The following DENND1B variants were observed in gnomAD, a reference collection of about 807,000 sequenced individuals.
The protein encoded by DENND1B is DENN domain containing 1B.
A neutral mutation model predicts 90.1 loss-of-function variants in DENND1B; 59 were observed. The observed-to-expected ratio is 0.65, with a 90% CI of 0.53 to 0.81. The LOEUF (loss-of-function observed/expected upper bound fraction) is 0.81, where lower values mean the gene tolerates loss of function less well. Among genes scored for constraint, DENND1B ranks in the 40% least tolerant of loss-of-function variants. The pLI, the probability that DENND1B is intolerant of heterozygous loss-of-function variation, is 0.00. For missense variants in DENND1B, 862 were observed against 912.6 expected, an observed-to-expected ratio of 0.94 and a Z score of 0.71; for synonymous variants, 337 against 324.6, an observed-to-expected ratio of 1.04 and a Z score of -0.41.
chr1:197,762,935 A>G (rs1558494294), intron 2 of DENND1B, among the ~76,000 whole-genome samples: 1 of 151,702 alleles, frequency 6.6e-6, no homozygotes, highest in Non-Finnish European at 1.5e-5. Flanking sequence ...TACACACCAC[A>G]TTTTCTTTAT....
At position 197,511,780 on chromosome 1, in the gene DENND1B, G is replaced by A; in HGVS notation, c.1763C>T (p.Ala588Val). The A allele has an allele frequency of 6.2e-7, 1 of 1,610,840 alleles. No individual in the cohort carries two copies. Among genetic ancestry groups the A allele is most frequent in the Non-Finnish European group, 8.5e-7 (1 of 1,178,020 alleles). The change falls in exon 22 of 23, where the codon GCA becomes GTA. Residue 588 changes from alanine to valine, a missense_variant. Transcript: ENST00000620048. The stretch of plus-strand genomic sequence containing the variant: ...TGATCTAAAGAAATCCAAGCTCTTT[G>A]CAGCTGCCAGCTTCCCCTGATCTGA... Reference protein sequence around the residue: ...HSSDQGKLAAAKSLDFFRSMD... With the variant: ...HSSDQGKLAAVKSLDFFRSMD...
At chr1:197,579,668 A>T (rs1042152968) in intron 15 of DENND1B, among the ~76,000 whole-genome samples, 4 of 152,144 alleles carry the variant, frequency 2.6e-5, no homozygotes, top group African/African-American at 9.7e-5. Flanking sequence ...GGACATTCTT[A>T]GTCTACCCTC....
chr1:197,565,703 C>T (rs1409845026), intron 15 of DENND1B, among the ~76,000 whole-genome samples: 16 of 146,380 alleles, frequency 1.1e-4, no homozygotes, highest in African/African-American at 2.5e-4. Flanking sequence ...TGTGTTCTCA[C>T]TGTTCAATTC....
intron 5 of DENND1B, among the ~76,000 whole-genome samples, chr1:197,660,594 C>G (rs2125959093): frequency 6.6e-6 from 1 of 152,026 alleles, no homozygotes; most frequent in East Asian, 1.9e-4. Context: ...CTGTGAAATT[C>G]CAAAACAAGG....
chr1:197,538,104 G>A (rs1007266362), intron 20 of DENND1B, among the ~76,000 whole-genome samples: 2 of 151,666 alleles, frequency 1.3e-5, no homozygotes, highest in Admixed American at 6.6e-5. Flanking sequence ...TTTAGGAAAT[G>A]TGTTTCTCCA....
chr1:197,700,034 T>G (rs1463693503), intron 3 of DENND1B, among the ~76,000 whole-genome samples: 1 of 152,110 alleles, frequency 6.6e-6, no homozygotes, highest in Non-Finnish European at 1.5e-5. Flanking sequence ...GGCCATACTG[T>G]CCAAAGTAAT....
At chr1:197,687,219 T>A (rs1423208420) in intron 3 of DENND1B, among the ~76,000 whole-genome samples, 1 of 152,178 alleles carries the variant, frequency 6.6e-6, no homozygotes, top group Admixed American at 6.6e-5. Flanking sequence ...TCTCTGTGCC[T>A]CAGCTTTCTC....
chr1:197,612,101 T>G (rs1312721990), intron 11 of DENND1B, 125 bp from the exon 12 acceptor site: 1 of 612,948 alleles, frequency 1.6e-6, no homozygotes, highest in Non-Finnish European at 2.6e-6. Context: ...TAACACATTA[T>G]AGATATTCAA....
rs113459506 is a variant in DENND1B, at chr1:197,667,091, G to A, written c.296+4946C>T. Reference sequence around the variant, plus strand: ...GGAGGCTACAGTGAGCAAAGATTGCGTCACTGCATTCCAGCCTGGCCGCAG... The same window carrying A: ...GGAGGCTACAGTGAGCAAAGATTGCATCACTGCATTCCAGCCTGGCCGCAG... On this transcript the variant is annotated intron_variant, in intron 5 of 22. Transcript: ENST00000620048. Among the ~76,000 whole-genome samples the A allele has an allele frequency of 6.0e-5, 9 of 150,106 alleles. 1 individual carries two copies. The East Asian group carries it at 9.9e-4, about 16-fold the overall frequency.
chr1:197,671,235 A>G (rs1015916917), intron 5 of DENND1B, among the ~76,000 whole-genome samples: 4 of 152,144 alleles, frequency 2.6e-5, no homozygotes, highest in African/African-American at 9.7e-5. Context: ...TTGGAGTCCT[A>G]TTTTTATAGA....
At chr1:197,539,409 A>C (rs1037519379) in intron 20 of DENND1B, among the ~76,000 whole-genome samples, 2 of 152,158 alleles carry the variant, frequency 1.3e-5, no homozygotes, top group Non-Finnish European at 2.9e-5. Flanking sequence ...AGCCTTCATA[A>C]ATGTACTTAT....
At chr1:197,677,877 G>A (rs1656255903) in intron 3 of DENND1B, among the ~76,000 whole-genome samples, 1 of 152,144 alleles carries the variant, frequency 6.6e-6, no homozygotes, top group Admixed American at 6.6e-5. Context: ...CTGCCCTGCT[G>A]GGCTAAATTC....
At chr1:197,708,042 C>G (rs1228275324) in intron 3 of DENND1B, among the ~76,000 whole-genome samples, 1 of 149,074 alleles carries the variant, frequency 6.7e-6, no homozygotes, top group Admixed American at 6.7e-5. Flanking sequence ...CGGCGCACCA[C>G]GAGACTATAT....
chr1:197,618,363 C>T (rs1677852162), intron 10 of DENND1B, among the ~76,000 whole-genome samples: 1 of 151,154 alleles, frequency 6.6e-6, no homozygotes, highest in South Asian at 2.1e-4. Flanking sequence ...GCAAACTGCC[C>T]AAGCTTGACA....
At chr1:197,572,130 G>A (rs1327215540) in intron 15 of DENND1B, among the ~76,000 whole-genome samples, 1 of 152,172 alleles carries the variant, frequency 6.6e-6, no homozygotes, top group Non-Finnish European at 1.5e-5. Context: ...CACCCGGGAA[G>A]CACAAGGGGT....
At chr1:197,759,072 C>T (rs997224870) in intron 2 of DENND1B, among the ~76,000 whole-genome samples, 1 of 146,464 alleles carries the variant, frequency 6.8e-6, no homozygotes, top group African/African-American at 2.5e-5. Context: ...TAGGTTCAAG[C>T]AATTCTCCTG....
At chr1:197,753,533 A>G (rs1653840313) in intron 2 of DENND1B, among the ~76,000 whole-genome samples, 1 of 152,066 alleles carries the variant, frequency 6.6e-6, no homozygotes, top group Admixed American at 6.5e-5. Context: ...AGTGATCCCT[A>G]AACTATGGCT....
At chr1:197,654,136 T>G (rs1216873844) in intron 6 of DENND1B, among the ~76,000 whole-genome samples, 1 of 152,146 alleles carries the variant, frequency 6.6e-6, no homozygotes, top group Non-Finnish European at 1.5e-5. Context: ...CATTAAAACT[T>G]GCAATTACAT....
At chr1:197,549,107 A>G (rs1256550402) in intron 16 of DENND1B, among the ~76,000 whole-genome samples, 1 of 152,168 alleles carries the variant, frequency 6.6e-6, no homozygotes, top group Non-Finnish European at 1.5e-5. Context: ...TAACTGGATT[A>G]TGGCAATAAT....
Sources: allele counts gnomAD v4.1 joint callset (sites outside exome capture counted in the v4.1 genomes callset), GRCh38; gene constraint gnomAD v4.1.1; transcripts MANE v1.5; gene names NCBI Gene and HGNC (gene_info 2026-07-23, HGNC 2026-07-21).